The following CACNA2D4 variants were observed in gnomAD, a reference collection of about 807,000 sequenced individuals.
CACNA2D4 encodes the protein calcium voltage-gated channel auxiliary subunit alpha2delta 4, also known as voltage-dependent calcium channel subunit alpha-2/delta-4.
A neutral mutation model predicts 163.8 loss-of-function variants in CACNA2D4; 157 were observed. The ratio of observed to expected loss-of-function variants is 0.96; its 90% CI spans 0.84 to 1.09. The LOEUF (loss-of-function observed/expected upper bound fraction) is 1.09. Ranked by LOEUF, CACNA2D4 falls within the 50% of genes least tolerant of loss-of-function variation. CACNA2D4 has a pLI of 0.00. For missense variants in CACNA2D4, 1,410 were observed against 1,479.9 expected (o/e 0.95, Z 0.78); for synonymous variants, 598 against 586.9 (o/e 1.02, Z -0.27).
chr12:1,902,756 G>C (rs1866566424), intron 6 of CACNA2D4, among the ~76,000 whole-genome samples: 1 of 152,084 alleles, frequency 6.6e-6, no homozygotes, highest in Non-Finnish European at 1.5e-5. Flanking sequence ...TCATGGATTG[G>C]AAGAATTAAT....
intron 3 of CACNA2D4, among the ~76,000 whole-genome samples, chr12:1,911,953 G>A (rs1866831802): frequency 6.6e-6 from 1 of 152,240 alleles, no homozygotes; most frequent in African/African-American, 2.4e-5. Flanking sequence ...AGGCTCTTGA[G>A]TCCCCAGGCA....
intron 4 of CACNA2D4, among the ~76,000 whole-genome samples, chr12:1,909,305 C>T (rs1348034633): frequency 6.6e-6 from 1 of 152,248 alleles, no homozygotes; most frequent in African/African-American, 2.4e-5. Context: ...CATTCTCCTG[C>T]CTCAGCCTCC....
chr12:1,902,972 G>A (rs1394793640), intron 6 of CACNA2D4, among the ~76,000 whole-genome samples: 1 of 151,922 alleles, frequency 6.6e-6, no homozygotes. Flanking sequence ...TTATGCTACA[G>A]AGCTATAGTA....
At chr12:1,887,612 GA>G (rs1173634611) in intron 6 of CACNA2D4, among the ~76,000 whole-genome samples, 1 of 152,206 alleles carries the variant, frequency 6.6e-6, no homozygotes, top group Non-Finnish European at 1.5e-5. Flanking sequence ...TTACTTGAAT[GA>G]AAGGACAAAT....
At chr12:1,840,652 T>C (rs764894295) in intron 26 of CACNA2D4, 87 bp downstream of exon 26, 9 of 1,097,164 alleles carry the variant, frequency 8.2e-6, no homozygotes, top group Admixed American at 3.6e-5. Context: ...CCTGGCCACA[T>C]GTGCAGGGCC....
intron 13 of CACNA2D4, 97 bp from the exon 14 acceptor site, chr12:1,879,978 C>T: frequency 1.4e-6 from 1 of 697,718 alleles, no homozygotes; most frequent in Non-Finnish European, 2.5e-6. Flanking sequence ...ACAGTCACCA[C>T]ATCAATTATC....
chr12:1,806,431 G>A lies in CACNA2D4; in HGVS notation c.2721+3847C>T, dbSNP rs530028184. 1.1e-4 allele frequency among the ~76,000 whole-genome samples: 16 copies of A among 152,316 alleles called. No homozygotes were observed. The East Asian group carries it at 2.1e-3, about 20-fold the overall frequency. ...AAGAGCCAAGCAGCCACTCCCTGGG[G>A]CTGGCTGCAGATGAGGCCCTTGTGG... is the stretch of plus-strand genomic sequence containing the variant. On this transcript the variant is annotated intron_variant, in intron 29 of 37. Transcript: ENST00000382722. This position sits in a 1 kb window ranked among gnomAD's most constrained non-coding sequence, Gnocchi z 4.1.
At chr12:1,908,397 G>C (rs989202212) in intron 4 of CACNA2D4, among the ~76,000 whole-genome samples, 1 of 152,160 alleles carries the variant, frequency 6.6e-6, no homozygotes, top group Non-Finnish European at 1.5e-5. Context: ...TCCACTTCTC[G>C]CAGGCCAGGA....
chr12:1,891,235 T>C (rs1379178592), intron 6 of CACNA2D4, among the ~76,000 whole-genome samples: 1 of 152,222 alleles, frequency 6.6e-6, no homozygotes, highest in Non-Finnish European at 1.5e-5. Flanking sequence ...CAGGATCATC[T>C]GGCATCCTTG....
intron 4 of CACNA2D4, 85 bp downstream of exon 4, chr12:1,909,821 A>G (rs34288687): frequency 0.15 from 168,796 of 1,138,410 alleles, 17,004 homozygotes; most frequent in East Asian, 0.53. Context: ...TCGCCACCCT[A>G]CGCCGCCACC....
At chr12:1,900,143 T>C (rs1196641998) in intron 6 of CACNA2D4, among the ~76,000 whole-genome samples, 4 of 152,316 alleles carry the variant, frequency 2.6e-5, no homozygotes. Flanking sequence ...AAAAATTGTT[T>C]TTTTGAGACA....
Position 1,878,359 on chromosome 12 carries a change from T to C in CACNA2D4, c.1675A>G (p.Thr559Ala). 3 of 1,608,914 alleles carry C rather than the reference T, an allele frequency of 1.9e-6. No homozygotes were observed. Among genetic ancestry groups the C allele is most frequent in the Non-Finnish European group, 2.5e-6 (3 of 1,177,912 alleles). Residue 559 changes from threonine (T) to alanine (A), a missense_variant, in exon 16 of 38, where the codon ACC (threonine) becomes GCC (alanine). By Grantham distance (58) the Thr-to-Ala change is moderately conservative. Transcript: ENST00000382722. This position sits in a 1 kb window ranked among gnomAD's most constrained non-coding sequence, Gnocchi z 4.6. ...LGVHGYAFLNTNNGYILSHPD... is the reference protein window; with the variant it reads ...LGVHGYAFLNANNGYILSHPD... ...TGGGAGAGGATGTAGCCATTGTTGGTGTTCAGAAAGGCGTATCCGTGCACT... is the reference window on the plus strand; with the variant it reads ...TGGGAGAGGATGTAGCCATTGTTGGCGTTCAGAAAGGCGTATCCGTGCACT...
Position 1,918,507 on chromosome 12 carries a change from C to T in CACNA2D4, c.-34G>A, listed in dbSNP as rs1447313155. Reference sequence around the variant, plus strand: ...TCTGCCTTCCTCCCAGACCCCAGGACGCCCCAGGCCTTTGTCTTCCGTGCC... The same window carrying T: ...TCTGCCTTCCTCCCAGACCCCAGGATGCCCCAGGCCTTTGTCTTCCGTGCC... On this transcript the variant is annotated 5_prime_UTR_variant, in exon 1 of 38. Transcript: ENST00000382722. The T allele has an allele frequency of 1.9e-5, 29 of 1,517,578 alleles. No homozygotes were observed. The highest frequency in any genetic ancestry group is 2.3e-4 in the Middle Eastern group (1 of 4,380). 94.0% of individuals were successfully genotyped at this position (1,517,578 alleles called of 1,614,324 possible).
At chr12:1,821,879 C>G (rs1864118637) in intron 26 of CACNA2D4, among the ~76,000 whole-genome samples, 1 of 152,052 alleles carries the variant, frequency 6.6e-6, no homozygotes, top group Non-Finnish European at 1.5e-5. Context: ...TGGCACCCGG[C>G]TGTCAGGGCT....
Position 1,878,488 on chromosome 12 carries a change from CA to C in CACNA2D4, c.1645-100del. On this transcript the variant is annotated intron_variant, in intron 15 of 37. Coordinates refer to ENST00000382722, the MANE Select transcript of CACNA2D4 (RefSeq NM_172364.5). This position sits in a 1 kb window ranked among gnomAD's most constrained non-coding sequence, Gnocchi z 4.6. ...GGGGCCACAGGACGGTCAAAGATGG[CA>C]GCTCACAGCAGTGAGTGTTTTCAAT... 1 of 1,546,516 alleles carries C rather than the reference CA, an allele frequency of 6.5e-7. No homozygotes were observed. The highest frequency in any genetic ancestry group is 1.2e-5 in the South Asian group (1 of 83,814).
At chr12:1,810,814 G>A (rs148588194) in intron 27 of CACNA2D4, among the ~76,000 whole-genome samples, 3 of 152,230 alleles carry the variant, frequency 2.0e-5, no homozygotes, top group African/African-American at 7.2e-5. Flanking sequence ...CTATGTGTGG[G>A]GTGTCTGTAC....
intron 26 of CACNA2D4, among the ~76,000 whole-genome samples, chr12:1,818,172 A>G (rs1221478863): frequency 1.5e-5 from 2 of 136,924 alleles, no homozygotes; most frequent in Non-Finnish European, 3.2e-5. Flanking sequence ...TCCGCCCGGC[A>G]GCCGCCCCGT....
rs1483445740 is a variant in CACNA2D4, at chr12:1,806,116, G to A, written c.2721+4162C>T. On this transcript the variant is annotated intron_variant, in intron 29 of 37. Coordinates refer to ENST00000382722, the MANE Select transcript of CACNA2D4 (RefSeq NM_172364.5). The surrounding 1 kb of genome is among the most constrained non-coding windows in gnomAD (Gnocchi z 4.1). ...GATGGGGCCTCGGATTTTCTAGGCTGCAGTTGCTGCCCCTTGAAGATCCAC... is the reference window on the plus strand; with the variant it reads ...GATGGGGCCTCGGATTTTCTAGGCTACAGTTGCTGCCCCTTGAAGATCCAC... Among the ~76,000 whole-genome samples the A allele has an allele frequency of 6.6e-6, 1 of 152,214 alleles. No homozygotes were observed. Among genetic ancestry groups the A allele is most frequent in the Admixed American group, 6.5e-5 (1 of 15,288 alleles).
At position 1,883,123 on chromosome 12, in the gene CACNA2D4, G is replaced by A. The variant is rs1391675340; in HGVS notation, c.1352-123C>T. On this transcript the variant is annotated intron_variant, in intron 12 of 37. Transcript: ENST00000382722. The surrounding 1 kb of genome is among the most constrained non-coding windows in gnomAD (Gnocchi z 4.5). Reference sequence around the variant, plus strand: ...CGAATACTCTCTGGAAACTGGACCGGGGCACAGGGAGCTGCTTCCCCACAG... The same window carrying A: ...CGAATACTCTCTGGAAACTGGACCGAGGCACAGGGAGCTGCTTCCCCACAG... 4.4e-6 allele frequency: 5 copies of A among 1,134,450 alleles called. No individual in the cohort carries two copies. The highest frequency in any genetic ancestry group is 6.2e-6 in the Non-Finnish European group (5 of 808,760). The allele number at this position is 1,134,450 out of a possible 1,614,324, so 70.3% of individuals were successfully genotyped here. A position where few individuals can be genotyped will look rare whatever the true frequency, so the allele number is the denominator to read the frequency against.
Sources: gnomAD v4.1 joint callset for allele counts (sites outside exome capture counted in the v4.1 genomes callset) on GRCh38, gnomAD v4.1.1 for gene constraint, Gnocchi (gnomAD v3.1) non-coding constraint, MANE v1.5 for transcripts, NCBI Gene and HGNC (gene_info 2026-07-23, HGNC 2026-07-21) for gene names.